The following LRBA variants were observed in gnomAD, a reference collection of about 807,000 sequenced individuals.
The protein encoded by LRBA is LPS responsive beige-like anchor protein.
A neutral mutation model predicts 330.0 loss-of-function variants in LRBA; 176 were observed. That is an observed-to-expected ratio of 0.53 (90% CI 0.47 to 0.60). The LOEUF is 0.60. Among genes scored for constraint, LRBA ranks in the 20% least tolerant of loss-of-function variants. The pLI is 0.00. For synonymous variants in LRBA, 1,230 were observed against 1,193.0 expected (o/e 1.03, Z -0.64); for missense variants, 3,259 against 3,444.8 (o/e 0.95, Z 1.35).
At chr4:150,517,259 C>T (rs551163713) in intron 40 of LRBA, among the ~76,000 whole-genome samples, 23 of 152,242 alleles carry the variant, frequency 1.5e-4, no homozygotes, top group African/African-American at 5.5e-4. Context: ...CAGCGGCTCA[C>T]ACTTGCAATC....
intron 34 of LRBA, among the ~76,000 whole-genome samples, chr4:150,766,230 G>C (rs1490383452): frequency 6.6e-6 from 1 of 151,500 alleles, no homozygotes; most frequent in African/African-American, 2.4e-5. Context: ...TTATACTTTT[G>C]GTTATTGTTA....
chr4:150,404,963 T>C (rs1745985564), intron 47 of LRBA, among the ~76,000 whole-genome samples: 2 of 152,178 alleles, frequency 1.3e-5, no homozygotes, highest in African/African-American at 4.8e-5. Flanking sequence ...TCAGAGAATC[T>C]AGAACACAGT....
intron 17 of LRBA, among the ~76,000 whole-genome samples, chr4:150,885,488 G>T (rs1233004648): frequency 1.3e-5 from 2 of 152,010 alleles, no homozygotes; most frequent in Non-Finnish European, 2.9e-5. Flanking sequence ...GAGCACAGTG[G>T]TACATGCCTG....
At chr4:150,880,526 A>AT (rs1437408216) in intron 17 of LRBA, among the ~76,000 whole-genome samples, 1 of 152,142 alleles carries the variant, frequency 6.6e-6, no homozygotes, top group East Asian at 1.9e-4. Flanking sequence ...TCTCCAAAAA[A>AT]AAAAAAAAAA....
intron 29 of LRBA, among the ~76,000 whole-genome samples, chr4:150,829,721 C>T (rs1327647665): frequency 1.3e-5 from 2 of 152,154 alleles, no homozygotes; most frequent in South Asian, 2.1e-4. Context: ...TTAGTCCCTT[C>T]GTGGTATCAT....
chr4:150,908,195 T>A, intron 11 of LRBA, 139 bp downstream of exon 11: 1 of 729,736 alleles, frequency 1.4e-6, no homozygotes, highest in East Asian at 2.9e-5. Context: ...ATAATTAATA[T>A]GGACTTGTAA....
rs574005820 is a variant in LRBA at position 150,595,369 on chromosome 4, T to G, written c.6046+3638A>C. ...AAGGAAGCAACAGTATCTGGCATTA[T>G]TGAAGTTATGAGACAATGGCACGAT... On this transcript the variant is annotated intron_variant, in intron 38 of 56. Transcript: ENST00000651943. Among the ~76,000 whole-genome samples the G allele has an allele frequency of 3.3e-5, 5 of 152,054 alleles. No individual in the cohort carries two copies. The South Asian group carries it at 1.0e-3, about 32-fold the overall frequency.
chr4:150,742,232 A>G (rs774673594), intron 35 of LRBA, among the ~76,000 whole-genome samples: 9 of 150,604 alleles, frequency 6.0e-5, no homozygotes, highest in Non-Finnish European at 1.2e-4. Context: ...AGAAACCTCA[A>G]CCTCCCAAGC....
chr4:150,386,966 T>C (rs1404306644), intron 47 of LRBA, among the ~76,000 whole-genome samples: 6 of 152,204 alleles, frequency 3.9e-5, no homozygotes, highest in Non-Finnish European at 7.3e-5. Context: ...TTCTGACTGG[T>C]GTGAGATGGT....
At chr4:150,761,078 G>A (rs1735017161) in intron 35 of LRBA, among the ~76,000 whole-genome samples, 1 of 151,994 alleles carries the variant, frequency 6.6e-6, no homozygotes, top group Non-Finnish European at 1.5e-5. Context: ...ATCTCGAAGG[G>A]GAGTCAGTCA....
chr4:150,370,073 C>G (rs1740044846), intron 47 of LRBA, among the ~76,000 whole-genome samples: 1 of 152,148 alleles, frequency 6.6e-6, no homozygotes, highest in Non-Finnish European at 1.5e-5. Flanking sequence ...TATCTTAAAA[C>G]TTACCAAAAT....
At chr4:150,850,601 G>A (rs960330967) in intron 24 of LRBA, 123 bp downstream of exon 24, 25 of 540,972 alleles carry the variant, frequency 4.6e-5, no homozygotes, top group Admixed American at 1.5e-4. Flanking sequence ...CCCTACCATA[G>A]AATAATTTCT....
intron 40 of LRBA, among the ~76,000 whole-genome samples, chr4:150,528,362 G>A (rs900283392): frequency 2.6e-5 from 4 of 151,952 alleles, no homozygotes; most frequent in African/African-American, 2.4e-5. Flanking sequence ...TTAGCCAGGC[G>A]TGGTGGTGGG....
chr4:150,309,609 GC>G (rs1160420887), intron 52 of LRBA, among the ~76,000 whole-genome samples: 1 of 152,018 alleles, frequency 6.6e-6, no homozygotes, highest in African/African-American at 2.4e-5. Context: ...CATTTACTCA[GC>G]CGGATCTCCT....
Position 150,264,800 on chromosome 4 carries a change from A to AATC in LRBA, c.*919_*921dup, listed in dbSNP as rs1204778874. On this transcript the variant is annotated 3_prime_UTR_variant, in exon 57 of 57. Transcript: ENST00000651943. ...GTTTCGTTTCTTAGTACAAATTGCT[A>AATC]ATCAAAAGGAAGGTGGAGATGATAG... The AATC allele has an allele frequency of 6.6e-6, 1 of 152,228 alleles. No individual in the cohort carries two copies. The highest frequency in any genetic ancestry group is 1.9e-4 in the East Asian group (1 of 5,198). 9.4% of individuals were successfully genotyped at this position (152,228 alleles called of 1,614,324 possible).
rs553571341 is a variant in LRBA at position 150,838,949 on chromosome 4, C to G, written c.4569+5151G>C. Among the ~76,000 whole-genome samples the G allele has an allele frequency of 2.0e-5, 3 of 152,224 alleles. No individual in the cohort carries two copies. The East Asian group carries it at 5.8e-4, about 29-fold the overall frequency. On this transcript the variant is annotated intron_variant, in intron 28 of 56. Coordinates refer to ENST00000651943, the MANE Select transcript of LRBA (RefSeq NM_001364905.1). ...CAAAAGAAACTATCATCAGAGTGAA[C>G]AGGCAACCTACAGAATGGGAGAAAA...
chr4:150,466,671 C>T (rs150468412), intron 44 of LRBA, among the ~76,000 whole-genome samples: 2 of 152,112 alleles, frequency 1.3e-5, no homozygotes, highest in Non-Finnish European at 2.9e-5. Flanking sequence ...AAGACATAAA[C>T]ATTTGTTAGC....
intron 40 of LRBA, among the ~76,000 whole-genome samples, chr4:150,574,680 A>G (rs1054756306): frequency 6.6e-6 from 1 of 152,054 alleles, no homozygotes; most frequent in Non-Finnish European, 1.5e-5. Flanking sequence ...TGTATCATTC[A>G]TTTTTAATTT....
chr4:150,477,549 A>G (rs1445744394), intron 42 of LRBA, among the ~76,000 whole-genome samples: 2 of 152,044 alleles, frequency 1.3e-5, no homozygotes, highest in African/African-American at 4.8e-5. Flanking sequence ...CCATGATCCA[A>G]TCAGGTCCTC....
Sources: gnomAD v4.1 joint callset for allele counts (sites outside exome capture counted in the v4.1 genomes callset) on GRCh38, gnomAD v4.1.1 for gene constraint, MANE v1.5 for transcripts, NCBI Gene and HGNC (gene_info 2026-07-23, HGNC 2026-07-21) for gene names.